The following UNC5D variants were observed in gnomAD, a reference collection of about 807,000 sequenced individuals.
UNC5D encodes netrin receptor UNC5D.
In UNC5D, 39 loss-of-function variants were observed where a neutral mutation model predicts 105.4. The observed-to-expected ratio is 0.37, with a 90% CI of 0.29 to 0.48. The LOEUF is 0.48. Ranked by LOEUF, UNC5D falls within the 20% of genes least tolerant of loss-of-function variation. The probability of loss-of-function intolerance (pLI) is 0.98; values close to 1 mark genes in which losing one functional copy is unlikely to be tolerated. For synonymous variants in UNC5D, 452 were observed against 450.4 expected (o/e 1.00, Z -0.04); for missense variants, 991 against 1,202.4 (o/e 0.82, Z 2.60).
intron 1 of UNC5D, among the ~76,000 whole-genome samples, chr8:35,395,719 A>G (rs1804056085): frequency 6.6e-6 from 1 of 152,176 alleles, no homozygotes; most frequent in African/African-American, 2.4e-5. Context: ...GATTTTCACA[A>G]GACAAGAAAG....
intron 1 of UNC5D, among the ~76,000 whole-genome samples, chr8:35,450,396 C>T (rs1808066956): frequency 6.6e-6 from 1 of 152,100 alleles, no homozygotes; most frequent in African/African-American, 2.4e-5. Flanking sequence ...TCTGGGCACC[C>T]AGAACCTTTA....
chr8:35,567,924 T>A (rs1011526375), intron 2 of UNC5D, among the ~76,000 whole-genome samples, 174 bp from the exon 3 acceptor site: 4 of 152,262 alleles, frequency 2.6e-5, no homozygotes, highest in African/African-American at 7.2e-5. Context: ...TCCAGCCTAC[T>A]CAGCTGTTGA....
At chr8:35,736,504 C>A (rs1829476998) in intron 11 of UNC5D, among the ~76,000 whole-genome samples, 1 of 152,154 alleles carries the variant, frequency 6.6e-6, no homozygotes, top group Admixed American at 6.5e-5. Flanking sequence ...TTTCAACAAG[C>A]ATAATTGTTA....
intron 1 of UNC5D, among the ~76,000 whole-genome samples, chr8:35,257,091 C>T (rs2128817729): frequency 6.6e-6 from 1 of 151,754 alleles, no homozygotes; most frequent in South Asian, 2.1e-4. Flanking sequence ...CTTGCCTTAG[C>T]CTCCTGAGTA....
chr8:35,442,895 C>T (rs1333081681), intron 1 of UNC5D, among the ~76,000 whole-genome samples: 5 of 134,040 alleles, frequency 3.7e-5, no homozygotes, highest in African/African-American at 9.4e-5. Context: ...TTCTCTCTCT[C>T]TCTCTCTCTC....
chr8:35,311,417 C>T (rs1344233675), intron 1 of UNC5D, among the ~76,000 whole-genome samples: 2 of 151,958 alleles, frequency 1.3e-5, no homozygotes, highest in Non-Finnish European at 1.5e-5. Flanking sequence ...GGGTTTTGTG[C>T]GAGCTTGGCT....
At chr8:35,728,096 ATATAT>A (rs1350317722) in intron 10 of UNC5D, among the ~76,000 whole-genome samples, 1 of 92,438 alleles carries the variant, frequency 1.1e-5, no homozygotes, top group Non-Finnish European at 2.0e-5. Flanking sequence ...AAAAAAAAAA[ATATAT>A]ATATATATAT....
chr8:35,598,625 T>C (rs569731663), intron 4 of UNC5D, among the ~76,000 whole-genome samples: 23 of 152,174 alleles, frequency 1.5e-4, no homozygotes, highest in Non-Finnish European at 3.1e-4. Context: ...CTGTTCACAA[T>C]AGCTCCATGG....
intron 16 of UNC5D, among the ~76,000 whole-genome samples, chr8:35,777,203 G>A (rs2043659): frequency 0.048 from 7,309 of 152,182 alleles, 448 homozygotes; most frequent in African/African-American, 0.14. Flanking sequence ...GCAGTGAGCC[G>A]AGATCGCATC....
At chr8:35,568,037 C>A (rs900173040) in intron 2 of UNC5D, 61 bp from the exon 3 acceptor site, 4 of 1,587,450 alleles carry the variant, frequency 2.5e-6, no homozygotes, top group Admixed American at 1.8e-5. Flanking sequence ...CTAACCTTAA[C>A]TTTCTGTTTG....
intron 4 of UNC5D, among the ~76,000 whole-genome samples, chr8:35,629,187 A>C (rs2131068180): frequency 6.6e-6 from 1 of 152,326 alleles, no homozygotes; most frequent in South Asian, 2.1e-4. Context: ...GTAGAAAGCT[A>C]CTTAAACACA....
At chr8:35,247,488 C>A (rs1803192681) in intron 1 of UNC5D, among the ~76,000 whole-genome samples, 1 of 133,900 alleles carries the variant, frequency 7.5e-6, no homozygotes, top group Non-Finnish European at 1.5e-5. Flanking sequence ...CAGTATGAAT[C>A]TACTAGGAGA....
intron 4 of UNC5D, among the ~76,000 whole-genome samples, chr8:35,615,795 G>A (rs910978531): frequency 6.6e-6 from 1 of 152,046 alleles, no homozygotes; most frequent in Non-Finnish European, 1.5e-5. Flanking sequence ...TAACATAAAG[G>A]CATCTAAAAC....
At chr8:35,284,392 C>G (rs957824984) in intron 1 of UNC5D, among the ~76,000 whole-genome samples, 1 of 152,186 alleles carries the variant, frequency 6.6e-6, no homozygotes, top group Non-Finnish European at 1.5e-5. Context: ...ACTCCTAGCA[C>G]TATCCATCTA....
chr8:35,620,792 G>A (rs1821316764), intron 4 of UNC5D, among the ~76,000 whole-genome samples: 1 of 152,068 alleles, frequency 6.6e-6, no homozygotes, highest in Non-Finnish European at 1.5e-5. Context: ...TTGTCTTCCT[G>A]GCTCCCAAAA....
chr8:35,247,244 T>C (rs1486854073), intron 1 of UNC5D, among the ~76,000 whole-genome samples: 2 of 146,272 alleles, frequency 1.4e-5, no homozygotes, highest in South Asian at 2.2e-4. Flanking sequence ...TAAATGTTTA[T>C]ATTTTTCTAA....
At chr8:35,450,167 C>T (rs1808052021) in intron 1 of UNC5D, among the ~76,000 whole-genome samples, 1 of 152,116 alleles carries the variant, frequency 6.6e-6, no homozygotes, top group Non-Finnish European at 1.5e-5. Flanking sequence ...TTGTTTAGTA[C>T]TTAGTAAGAG....
Position 35,544,493 on chromosome 8 carries a change from A to G in UNC5D, c.104-4799A>G, listed in dbSNP as rs747691796. 3.1e-6 allele frequency: 5 copies of G among 1,612,922 alleles called. No homozygotes were observed. In the South Asian group the frequency reaches 5.5e-5, roughly 18 times the overall value. On this transcript the variant is annotated intron_variant, in intron 1 of 16. Coordinates refer to ENST00000404895, the MANE Select transcript of UNC5D (RefSeq NM_080872.4). ...AGCTCTCAGTGATGTCTGTGCTGGG[A>G]CTTCCGGGTTCCTGTTGGACTTTTC...
At chr8:35,563,774 T>C (rs1817129063) in intron 2 of UNC5D, among the ~76,000 whole-genome samples, 1 of 152,156 alleles carries the variant, frequency 6.6e-6, no homozygotes, top group African/African-American at 2.4e-5. Flanking sequence ...CCTTTAATGT[T>C]TGAGGTATGT....
Sources: allele counts gnomAD v4.1 joint callset (sites outside exome capture counted in the v4.1 genomes callset), GRCh38; gene constraint gnomAD v4.1.1; transcripts MANE v1.5; gene names NCBI Gene and HGNC (gene_info 2026-07-23, HGNC 2026-07-21).